PARD3: variants seen among roughly 807,000 people sequenced by gnomAD.
The protein encoded by PARD3 is partitioning defective 3 homolog.
A neutral mutation model predicts 155.4 loss-of-function variants in PARD3; 75 were observed. That is an observed-to-expected ratio of 0.48 (90% CI 0.40 to 0.58). PARD3 has a LOEUF of 0.58. Among genes scored for constraint, PARD3 ranks in the 20% least tolerant of loss-of-function variants. The probability of loss-of-function intolerance (pLI) is 0.00; values close to 1 mark genes in which losing one functional copy is unlikely to be tolerated. For missense variants in PARD3, 1,642 were observed against 1,721.7 expected, an observed-to-expected ratio of 0.95 and a Z score of 0.82; for synonymous variants, 576 against 610.5, an observed-to-expected ratio of 0.94 and a Z score of 0.83.
chr10:34,365,609 G>A (rs898056401), intron 12 of PARD3, among the ~76,000 whole-genome samples: 1 of 152,148 alleles, frequency 6.6e-6, no homozygotes. Flanking sequence ...TTTTTTCTGA[G>A]ATGGAGTCTC....
chr10:34,234,293 G>A (rs888263747), intron 22 of PARD3, among the ~76,000 whole-genome samples: 1 of 151,218 alleles, frequency 6.6e-6, no homozygotes, highest in Non-Finnish European at 1.5e-5. Flanking sequence ...AAAGCCATTG[G>A]GATGTTTCAA....
At chr10:34,424,608 G>A (rs1354323369) in intron 5 of PARD3, among the ~76,000 whole-genome samples, 4 of 151,938 alleles carry the variant, frequency 2.6e-5, no homozygotes, top group African/African-American at 9.7e-5. Context: ...TCTGTCTCCC[G>A]GGTTCAAGAG....
In PARD3 at chr10:34,565,320, T is replaced by C. The variant is rs182947952; in HGVS notation, c.223-48161A>G. ...TCTCGCTCTGTCACCCAGGCTGGAG[T>C]GCGGTGGCGCAATCTCAGCTCACTG... On this transcript the variant is annotated intron_variant, in intron 2 of 24. Transcript: ENST00000374788. Among the ~76,000 whole-genome samples the C allele has an allele frequency of 3.5e-3, 433 of 122,064 alleles. 2 individuals carry two copies. The highest frequency in any genetic ancestry group is 0.013 in the African/African-American group (405 of 31,072). 80.1% of individuals were successfully genotyped at this position (122,064 alleles called of 152,430 possible). A position where few individuals can be genotyped will look rare whatever the true frequency, so the allele number is the denominator to read the frequency against.
At chr10:34,220,356 C>T (rs770650377) in intron 22 of PARD3, among the ~76,000 whole-genome samples, 14 of 152,124 alleles carry the variant, frequency 9.2e-5, no homozygotes, top group Non-Finnish European at 1.6e-4. Context: ...CTTTCATCTC[C>T]GGAAGTAACC....
chr10:34,435,738 A>G (rs1290754712), intron 5 of PARD3, among the ~76,000 whole-genome samples: 1 of 152,238 alleles, frequency 6.6e-6, no homozygotes, highest in Non-Finnish European at 1.5e-5. Context: ...AGTCTAAGAC[A>G]TAACAGGAAA....
intron 12 of PARD3, among the ~76,000 whole-genome samples, chr10:34,368,832 AG>A (rs1189877625): frequency 7.7e-6 from 1 of 129,270 alleles, no homozygotes. Context: ...TCAATCCATG[AG>A]CAATGTAAAA....
intron 1 of PARD3, among the ~76,000 whole-genome samples, chr10:34,779,536 G>C (rs1239074349): frequency 2.0e-5 from 3 of 151,888 alleles, no homozygotes; most frequent in Non-Finnish European, 2.9e-5. Context: ...CAGAAGAATG[G>C]CATGAACCCG....
chr10:34,231,241 C>T (rs1207140855), intron 22 of PARD3, among the ~76,000 whole-genome samples: 4 of 114,748 alleles, frequency 3.5e-5, no homozygotes, highest in South Asian at 2.9e-4. Context: ...TTGACATACA[C>T]TAGTGTTATT....
chr10:34,600,645 T>C (rs2089682829), intron 2 of PARD3, among the ~76,000 whole-genome samples: 1 of 152,178 alleles, frequency 6.6e-6, no homozygotes, highest in Non-Finnish European at 1.5e-5. Flanking sequence ...TGAAAACAAT[T>C]AGTCTGAAAA....
intron 2 of PARD3, among the ~76,000 whole-genome samples, chr10:34,584,505 C>T (rs2087811228): frequency 6.6e-6 from 1 of 152,120 alleles, no homozygotes; most frequent in Non-Finnish European, 1.5e-5. Flanking sequence ...TTCTTGGCCC[C>T]ATTTCATCTC....
intron 1 of PARD3, among the ~76,000 whole-genome samples, chr10:34,775,794 G>C (rs1487786024): frequency 6.6e-6 from 1 of 152,186 alleles, no homozygotes; most frequent in Non-Finnish European, 1.5e-5. Context: ...AAGATGTAAA[G>C]AGAAATCTGT....
intron 5 of PARD3, among the ~76,000 whole-genome samples, chr10:34,411,128 A>C (rs1389389169): frequency 6.6e-6 from 1 of 152,316 alleles, no homozygotes; most frequent in East Asian, 1.9e-4. Context: ...CTCAGTTCTT[A>C]GACAGCTGCT....
intron 2 of PARD3, among the ~76,000 whole-genome samples, chr10:34,679,238 C>T (rs980903088): frequency 1.2e-4 from 18 of 152,118 alleles, no homozygotes; most frequent in African/African-American, 3.6e-4. Context: ...AGACGGCATC[C>T]GGCAGTGTGG....
At chr10:34,394,357 C>T (rs1334515362) in intron 7 of PARD3, among the ~76,000 whole-genome samples, 1 of 152,148 alleles carries the variant, frequency 6.6e-6, no homozygotes, top group Non-Finnish European at 1.5e-5. Flanking sequence ...CAGGTTCTCA[C>T]TCTGCCATGC....
chr10:34,177,392 T>C, intron 22 of PARD3, among the ~76,000 whole-genome samples: 1 of 152,142 alleles, frequency 6.6e-6, no homozygotes, highest in Middle Eastern at 3.2e-3. Context: ...TTCATTTTCA[T>C]TCATGATCTG....
intron 22 of PARD3, among the ~76,000 whole-genome samples, chr10:34,226,105 T>C (rs1952586871): frequency 6.6e-6 from 1 of 152,106 alleles, no homozygotes; most frequent in Non-Finnish European, 1.5e-5. Flanking sequence ...AGCAATCTTA[T>C]AAAAACGGAG....
At chr10:34,421,809 G>A (rs576732477) in intron 5 of PARD3, among the ~76,000 whole-genome samples, 35 of 152,002 alleles carry the variant, frequency 2.3e-4, no homozygotes, top group Admixed American at 3.3e-4. Flanking sequence ...TAAATGTAAA[G>A]AATTGTATGT....
chr10:34,562,252 C>T (rs2085552486), intron 2 of PARD3, among the ~76,000 whole-genome samples: 2 of 148,788 alleles, frequency 1.3e-5, no homozygotes, highest in African/African-American at 5.0e-5. Context: ...GCCTGGTCAA[C>T]ATGGTGAAAC....
rs116116284 is a variant in PARD3, at chr10:34,137,792, G to C, written c.3420-6209C>G. Among the ~76,000 whole-genome samples the C allele has an allele frequency of 6.7e-3, 1,013 of 152,260 alleles. 13 individuals carry two copies. Among genetic ancestry groups the C allele is most frequent in the African/African-American group, 0.022 (928 of 41,538 alleles). The stretch of plus-strand genomic sequence containing the variant: ...GTCAAGCCCAGTGGAGCCTGGCCTA[G>C]ATCAGCCAACCCCTAGCCTCTCTGT... On this transcript the variant is annotated intron_variant, in intron 22 of 24. Transcript: ENST00000374788.
Sources: allele counts gnomAD v4.1 joint callset (sites outside exome capture counted in the v4.1 genomes callset), GRCh38; gene constraint gnomAD v4.1.1; transcripts MANE v1.5; gene names NCBI Gene and HGNC (gene_info 2026-07-23, HGNC 2026-07-21).